The following CELF4 variants were observed in gnomAD, a reference collection of about 807,000 sequenced individuals.
CELF4 encodes CUGBP Elav-like family member 4.
In CELF4, 18 loss-of-function variants were observed where a neutral mutation model predicts 59.9. That is an observed-to-expected ratio of 0.30 (90% CI 0.21 to 0.45). CELF4 has a LOEUF of 0.45. CELF4 is among the 20% of genes least tolerant of loss of function. The probability of loss-of-function intolerance (pLI) is 1.00; values close to 1 mark genes in which losing one functional copy is unlikely to be tolerated. For synonymous variants in CELF4, 261 were observed against 267.1 expected, an observed-to-expected ratio of 0.98 and a Z score of 0.22; for missense variants, 456 against 689.0, an observed-to-expected ratio of 0.66 and a Z score of 3.79.
At chr18:37,266,396 G>A in intron 9 of CELF4, 137 bp downstream of exon 9, 1 of 927,678 alleles carries the variant, frequency 1.1e-6, no homozygotes, top group Non-Finnish European at 1.7e-6. Flanking sequence ...GTCTCTGCCA[G>A]CACAGCCCTC....
At chr18:37,305,603 TGG>T (rs1603424101) in intron 3 of CELF4, 1 of 152,356 alleles carries the variant, frequency 6.6e-6, no homozygotes, top group African/African-American at 2.4e-5. Context: ...GGGGTGGTGC[TGG>T]GAGTCAGATG....
chr18:37,434,557 C>T (rs1047703930), intron 2 of CELF4, among the ~76,000 whole-genome samples: 7 of 152,144 alleles, frequency 4.6e-5, no homozygotes, highest in South Asian at 4.1e-4. Context: ...ATTACACCAG[C>T]GAAGAGCAGC....
intron 1 of CELF4, among the ~76,000 whole-genome samples, chr18:37,537,369 G>A (rs1455852030): frequency 6.6e-6 from 1 of 152,216 alleles, no homozygotes; most frequent in Non-Finnish European, 1.5e-5. Context: ...CATTCTCGGA[G>A]GAGAATGGTG....
At chr18:37,502,838 C>T (rs1054165139) in intron 1 of CELF4, among the ~76,000 whole-genome samples, 1 of 152,328 alleles carries the variant, frequency 6.6e-6, no homozygotes, top group East Asian at 1.9e-4. Flanking sequence ...CCTCCCAAGC[C>T]CTCTAGGTAG....
chr18:37,495,436 A>G (rs2099924096), intron 1 of CELF4, among the ~76,000 whole-genome samples: 1 of 152,028 alleles, frequency 6.6e-6, no homozygotes. Flanking sequence ...CTGTTTTTTC[A>G]GAACTTCAGA....
chr18:37,303,537 G>A lies in CELF4; in HGVS notation c.448+18266C>T, dbSNP rs534394652. On this transcript the variant is annotated intron_variant, in intron 3 of 12. Transcript: ENST00000420428. ...AGTAATATCAGACCAAATGAGAATC[G>A]GGGAGAGCTTGGATCTGCAGTCCTC... is the stretch of plus-strand genomic sequence containing the variant. Among the ~76,000 whole-genome samples the A allele has an allele frequency of 1.3e-4, 20 of 152,274 alleles. 1 individual carries two copies. The highest frequency in any genetic ancestry group is 3.9e-4 in the Admixed American group (6 of 15,302).
At chr18:37,319,901 G>A (rs1029476008) in intron 3 of CELF4, among the ~76,000 whole-genome samples, 13 of 152,296 alleles carry the variant, frequency 8.5e-5, no homozygotes, top group African/African-American at 1.7e-4. Context: ...GCTCCTGGCT[G>A]GGAGGTGGAG....
intron 2 of CELF4, among the ~76,000 whole-genome samples, chr18:37,329,093 T>A (rs1011667240): frequency 6.6e-6 from 1 of 150,678 alleles, no homozygotes; most frequent in Admixed American, 6.6e-5. Context: ...ATGCCAGTTT[T>A]AAATGCAAAT....
At chr18:37,478,523 T>G (rs533753960) in intron 2 of CELF4, among the ~76,000 whole-genome samples, 1 of 152,194 alleles carries the variant, frequency 6.6e-6, no homozygotes, top group South Asian at 2.1e-4. Flanking sequence ...AGTCACTTGC[T>G]TGAAAAATGT....
rs73433217 is a variant in CELF4, at chr18:37,470,137, T to G, written c.369+15388A>C. ...AGATTTCAATGCTACCGAGTCAGAA[T>G]AGAGGGTAATTTGGACTTTAGGTGT... On this transcript the variant is annotated intron_variant, in intron 2 of 12. Coordinates refer to ENST00000420428, the MANE Select transcript of CELF4 (RefSeq NM_020180.4). Among the ~76,000 whole-genome samples, 989 of 152,218 alleles carry G rather than the reference T, an allele frequency of 6.5e-3. 14 individuals are homozygous for G. Among genetic ancestry groups the G allele is most frequent in the African/African-American group, 0.022 (919 of 41,548 alleles).
intron 2 of CELF4, among the ~76,000 whole-genome samples, chr18:37,457,002 C>T (rs8092919): frequency 6.6e-6 from 1 of 151,854 alleles, no homozygotes; most frequent in Admixed American, 6.6e-5. Context: ...CACTGGGCCT[C>T]CCAGAAGCTC....
chr18:37,467,814 C>T (rs1454786395), intron 2 of CELF4, among the ~76,000 whole-genome samples: 3 of 152,190 alleles, frequency 2.0e-5, no homozygotes, highest in Non-Finnish European at 4.4e-5. Context: ...TCTTTCAATT[C>T]CAAAGGAGTC....
In CELF4 at chr18:37,349,217, G is replaced by T. The variant is rs564596909; in HGVS notation, c.370-27336C>A. ...TTTCGGCAGTTCCCAGTTTTCTGAG[G>T]TGGGCCCTGCCCTCCCAACCTGAAC... On this transcript the variant is annotated intron_variant, in intron 2 of 12. Coordinates refer to ENST00000420428, the MANE Select transcript of CELF4 (RefSeq NM_020180.4). Among the ~76,000 whole-genome samples, 391 of 152,330 alleles carry T rather than the reference G, an allele frequency of 2.6e-3. 3 individuals are homozygous for T. Among genetic ancestry groups the T allele is most frequent in the Non-Finnish European group, 3.9e-3 (266 of 68,036 alleles).
rs942418044 is a variant in CELF4 at position 37,274,797 on chromosome 18, G to A, written c.657+8C>T. ...CCCTCGCCCCCGCCCCAAGGGGCCA[G>A]CACTCACCGGCATGGTCTGGCTGCC... On this transcript the variant is annotated splice_region_variant and intron_variant, in intron 5 of 12. Transcript: ENST00000420428. 2.5e-5 allele frequency: 40 copies of A among 1,584,684 alleles called. No individual in the cohort carries two copies. The highest frequency in any genetic ancestry group is 3.5e-5 in the Admixed American group (2 of 56,618).
chr18:37,258,267 C>G (rs553194129), intron 11 of CELF4, among the ~76,000 whole-genome samples: 1 of 151,414 alleles, frequency 6.6e-6, no homozygotes, highest in Admixed American at 6.6e-5. Flanking sequence ...TGAAACACCC[C>G]CCTCTGCATA....
chr18:37,274,833 T>C lies in CELF4; in HGVS notation c.629A>G (p.Asn210Ser). Residue 210 changes from asparagine (N) to serine (S), a missense_variant, in exon 5 of 13, where the codon AAC (asparagine) becomes AGC (serine). Asn to Ser is a conservative substitution (Grantham distance 46, BLOSUM62 1). This residue lies in a region of CELF4 where 56 missense variants were observed against 92.0 expected (regional missense o/e 0.61). Transcript: ENST00000420428. Reference sequence around the variant, plus strand: ...CATGGTCTGGCTGCCGTGTAGCGCGTTGATGGCGGCCTGCGCCTCGGCGTG... The same window carrying C: ...CATGGTCTGGCTGCCGTGTAGCGCGCTGATGGCGGCCTGCGCCTCGGCGTG... ...SSHAEAQAAI[N>S]ALHGSQTMPG... 1 of 1,607,186 alleles carries C rather than the reference T, an allele frequency of 6.2e-7. No homozygotes were observed. The highest frequency in any genetic ancestry group is 1.1e-5 in the South Asian group (1 of 90,112).
At chr18:37,559,087 C>T (rs888523310) in intron 1 of CELF4, among the ~76,000 whole-genome samples, 2 of 152,088 alleles carry the variant, frequency 1.3e-5, no homozygotes, top group Admixed American at 6.5e-5. Context: ...AAACAAAAAG[C>T]ACACCTTCAC....
intron 3 of CELF4, among the ~76,000 whole-genome samples, chr18:37,295,697 T>C (rs532128182): frequency 6.6e-6 from 1 of 152,286 alleles, no homozygotes; most frequent in East Asian, 1.9e-4. Context: ...TAGTAATGGG[T>C]AGAATATGAT....
chr18:37,410,247 T>C (rs2099429389), intron 2 of CELF4, among the ~76,000 whole-genome samples: 1 of 152,178 alleles, frequency 6.6e-6, no homozygotes, highest in Non-Finnish European at 1.5e-5. Context: ...ATTAATCTAC[T>C]CTCTCCCCTG....
Sources: allele counts gnomAD v4.1 joint callset (sites outside exome capture counted in the v4.1 genomes callset), GRCh38; gene constraint gnomAD v4.1.1; regional missense constraint gnomAD v4.1.1; transcripts MANE v1.5; gene names NCBI Gene and HGNC (gene_info 2026-07-23, HGNC 2026-07-21).